PELI2: variants seen among roughly 807,000 people sequenced by gnomAD.
The protein encoded by PELI2 is E3 ubiquitin-protein ligase pellino homolog 2.
A neutral mutation model predicts 42.3 loss-of-function variants in PELI2; 23 were observed. That is an observed-to-expected ratio of 0.54 (90% CI 0.39 to 0.77). The LOEUF (loss-of-function observed/expected upper bound fraction) is 0.77. PELI2 is among the 30% of genes least tolerant of loss of function. PELI2 has a pLI of 0.00. For synonymous variants in PELI2, 245 were observed against 212.2 expected (o/e 1.15, Z -1.34); for missense variants, 463 against 553.2 (o/e 0.84, Z 1.64).
In PELI2 at chr14:56,297,256, T is replaced by C. The variant is rs566959306; in HGVS notation, c.*90T>C. On this transcript the variant is annotated 3_prime_UTR_variant, in exon 6 of 6. Coordinates refer to ENST00000267460, the MANE Select transcript of PELI2 (RefSeq NM_021255.3). ...GATTTTACCTTTTTGTAATGCTGTTTATCAGAGGAGGGTGACAGGGGCTGG... is the reference window on the plus strand; with the variant it reads ...GATTTTACCTTTTTGTAATGCTGTTCATCAGAGGAGGGTGACAGGGGCTGG... 2 of 830,692 alleles carry C rather than the reference T, an allele frequency of 2.4e-6. No homozygotes were observed. Among genetic ancestry groups the C allele is most frequent in the East Asian group, 5.3e-5 (2 of 37,390 alleles). 51.5% of individuals were successfully genotyped at this position (830,692 alleles called of 1,614,324 possible).
chr14:56,180,871 A>G lies in PELI2; in HGVS notation c.207+2407A>G, dbSNP rs1179549297. 2.0e-5 allele frequency among the ~76,000 whole-genome samples: 3 copies of G among 151,994 alleles called. No homozygotes were observed. Among genetic ancestry groups the G allele is most frequent in the African/African-American group, 4.8e-5 (2 of 41,382 alleles). On this transcript the variant is annotated intron_variant, in intron 2 of 5. Transcript: ENST00000267460. The surrounding 1 kb of genome is among the most constrained non-coding windows in gnomAD (Gnocchi z 4.4). The stretch of plus-strand genomic sequence containing the variant: ...GCCAGTTGTGAACTCAGCCCTTTAC[A>G]TATTTAACCTTTTCTTCAGATACCC...
rs774298485 is a variant in PELI2, at chr14:56,297,205, C to T, written c.*39C>T. The T allele has an allele frequency of 6.9e-6, 10 of 1,439,698 alleles. No homozygotes were observed. The highest frequency in any genetic ancestry group is 9.5e-6 in the Non-Finnish European group (10 of 1,055,652). 89.2% of individuals were successfully genotyped at this position (1,439,698 alleles called of 1,614,324 possible). A position where few individuals can be genotyped will look rare whatever the true frequency, so the allele number is the denominator to read the frequency against. Reference sequence around the variant, plus strand: ...CATCTACGACTTTATTAACAGGTTACTGTGAAGATTTTGCCACTAACTCTA... The same window carrying T: ...CATCTACGACTTTATTAACAGGTTATTGTGAAGATTTTGCCACTAACTCTA... On this transcript the variant is annotated 3_prime_UTR_variant, in exon 6 of 6. Coordinates refer to ENST00000267460, the MANE Select transcript of PELI2 (RefSeq NM_021255.3).
At chr14:56,199,342 C>T (rs1357527648) in intron 2 of PELI2, among the ~76,000 whole-genome samples, 2 of 152,128 alleles carry the variant, frequency 1.3e-5, no homozygotes, top group Non-Finnish European at 2.9e-5. Flanking sequence ...TTTGTTTATA[C>T]AAGAGACGGT....
intron 2 of PELI2, among the ~76,000 whole-genome samples, chr14:56,235,276 A>G (rs1227288419): frequency 6.6e-6 from 1 of 152,238 alleles, no homozygotes; most frequent in Non-Finnish European, 1.5e-5. Flanking sequence ...GAAGTAAATA[A>G]TACAAAGGCC....
intron 2 of PELI2, among the ~76,000 whole-genome samples, chr14:56,236,864 G>T (rs1887813537): frequency 1.3e-5 from 2 of 152,138 alleles, no homozygotes; most frequent in African/African-American, 2.4e-5. Flanking sequence ...ATCTCTCCCT[G>T]TTCTATTTGT....
chr14:56,119,482 C>T (rs921613942), intron 1 of PELI2, among the ~76,000 whole-genome samples: 2 of 152,198 alleles, frequency 1.3e-5, no homozygotes, highest in African/African-American at 4.8e-5. Context: ...GATGCCCTCC[C>T]GGCTGCGGGG....
chr14:56,147,361 T>C (rs778873670), intron 1 of PELI2, among the ~76,000 whole-genome samples: 28 of 152,240 alleles, frequency 1.8e-4, no homozygotes, highest in Non-Finnish European at 2.9e-4. Flanking sequence ...ACCATCTTAC[T>C]GAGTTTATTG....
chr14:56,159,990 C>G (rs868023372), intron 1 of PELI2, among the ~76,000 whole-genome samples: 3 of 150,194 alleles, frequency 2.0e-5, no homozygotes, highest in Non-Finnish European at 3.0e-5. Context: ...TAATATAGTT[C>G]TTTTCATAAA....
At chr14:56,262,049 C>T (rs867198959) in intron 2 of PELI2, among the ~76,000 whole-genome samples, 11 of 152,278 alleles carry the variant, frequency 7.2e-5, no homozygotes, top group Admixed American at 3.3e-4. Context: ...AGGCTTTATC[C>T]GTAAGAGGGC....
Position 56,301,187 on chromosome 14 carries a change from T to C in PELI2, c.*4021T>C, listed in dbSNP as rs956269500. On this transcript the variant is annotated 3_prime_UTR_variant, in exon 6 of 6. Coordinates refer to ENST00000267460, the MANE Select transcript of PELI2 (RefSeq NM_021255.3). Reference sequence around the variant, plus strand: ...TTTTATGAATATGTTTGTAAAATTGTTGTTTTATATTTCATGTCAAATTGA... The same window carrying C: ...TTTTATGAATATGTTTGTAAAATTGCTGTTTTATATTTCATGTCAAATTGA... The C allele has an allele frequency of 6.6e-6, 1 of 152,670 alleles. No homozygotes were observed. The highest frequency in any genetic ancestry group is 1.5e-5 in the Non-Finnish European group (1 of 68,040). The allele number at this position is 152,670 out of a possible 1,614,324, so 9.5% of individuals were successfully genotyped here. A position where few individuals can be genotyped will look rare whatever the true frequency, so the allele number is the denominator to read the frequency against.
chr14:56,196,978 CAT>C (rs1310070455), intron 2 of PELI2, among the ~76,000 whole-genome samples: 13 of 152,216 alleles, frequency 8.5e-5, no homozygotes, highest in Admixed American at 4.6e-4. Flanking sequence ...GTTTATGTAA[CAT>C]ATTTTTTCAG....
At chr14:56,255,380 A>G (rs1888491529) in intron 2 of PELI2, among the ~76,000 whole-genome samples, 1 of 152,078 alleles carries the variant, frequency 6.6e-6, no homozygotes, top group South Asian at 2.1e-4. Flanking sequence ...GCAGACTAAC[A>G]CAGGAACAGA....
At chr14:56,194,118 C>G (rs935019638) in intron 2 of PELI2, among the ~76,000 whole-genome samples, 11 of 152,154 alleles carry the variant, frequency 7.2e-5, no homozygotes, top group Non-Finnish European at 1.3e-4. Flanking sequence ...GTAGGAAGCA[C>G]TGATAAAAAT....
intron 1 of PELI2, among the ~76,000 whole-genome samples, chr14:56,149,789 C>G (rs1427956477): frequency 2.6e-5 from 4 of 152,130 alleles, no homozygotes; most frequent in African/African-American, 9.7e-5. Context: ...TATTCTTGAT[C>G]TAAAAGCTCA....
chr14:56,296,049 G>A (rs961727258), intron 5 of PELI2, among the ~76,000 whole-genome samples: 3 of 152,222 alleles, frequency 2.0e-5, no homozygotes, highest in Non-Finnish European at 2.9e-5. Context: ...TAAAAATGAA[G>A]GCTCATGTTG....
intron 2 of PELI2, among the ~76,000 whole-genome samples, chr14:56,186,132 G>A (rs1337633213): frequency 3.3e-5 from 5 of 152,150 alleles, no homozygotes; most frequent in Non-Finnish European, 7.3e-5. Context: ...GAGGGAAGAA[G>A]GAGCAGGAGA....
At chr14:56,128,744 G>T (rs1295810833) in intron 1 of PELI2, among the ~76,000 whole-genome samples, 2 of 151,978 alleles carry the variant, frequency 1.3e-5, no homozygotes, top group African/African-American at 2.4e-5. Context: ...TTGGGCTAGG[G>T]TTATAGTAGG....
intron 2 of PELI2, among the ~76,000 whole-genome samples, chr14:56,267,451 G>T: frequency 6.6e-6 from 1 of 152,068 alleles, no homozygotes; most frequent in East Asian, 1.9e-4. Flanking sequence ...GATATATCCA[G>T]GCTTTGAAGA....
chr14:56,188,370 AG>A (rs1328435155), intron 2 of PELI2, among the ~76,000 whole-genome samples: 3 of 151,874 alleles, frequency 2.0e-5, no homozygotes, highest in Non-Finnish European at 4.4e-5. Context: ...TTTATGTATC[AG>A]GTGTGCTTGG....
Sources: gnomAD v4.1 joint callset for allele counts (sites outside exome capture counted in the v4.1 genomes callset) on GRCh38, gnomAD v4.1.1 for gene constraint, Gnocchi (gnomAD v3.1) non-coding constraint, MANE v1.5 for transcripts, NCBI Gene and HGNC (gene_info 2026-07-23, HGNC 2026-07-21) for gene names.